KAZN: variants seen among roughly 807,000 people sequenced by gnomAD.
The protein encoded by KAZN is kazrin.
A neutral mutation model predicts 87.4 loss-of-function variants in KAZN; 40 were observed. The ratio of observed to expected loss-of-function variants is 0.46; its 90% CI spans 0.36 to 0.60. The LOEUF (loss-of-function observed/expected upper bound fraction) is 0.60, where lower values mean the gene tolerates loss of function less well. Ranked by LOEUF, KAZN falls within the 20% of genes least tolerant of loss-of-function variation. The probability of loss-of-function intolerance (pLI) is 0.00; values close to 1 mark genes in which losing one functional copy is unlikely to be tolerated. For synonymous variants in KAZN, 466 were observed against 458.3 expected (o/e 1.02, Z -0.22); for missense variants, 898 against 1,073.9 (o/e 0.84, Z 2.29).
chr1:14,181,910 G>A (rs1269446131), intron 2 of KAZN, among the ~76,000 whole-genome samples: 1 of 152,112 alleles, frequency 6.6e-6, no homozygotes, highest in East Asian at 1.9e-4. Flanking sequence ...GGCATTGTGT[G>A]TAAACTCCAG....
chr1:14,236,704 G>A (rs2100561384), intron 2 of KAZN, among the ~76,000 whole-genome samples: 1 of 152,232 alleles, frequency 6.6e-6, no homozygotes, highest in South Asian at 2.1e-4. Flanking sequence ...GATTGCTTGA[G>A]CCCAGGAGTT....
chr1:14,359,528 C>T (rs1659325268), intron 2 of KAZN, among the ~76,000 whole-genome samples: 1 of 152,156 alleles, frequency 6.6e-6, no homozygotes, highest in South Asian at 2.1e-4. Flanking sequence ...TTCTTCCTAG[C>T]ATCAATGGTC....
At chr1:13,941,125 G>A (rs1640911303) in intron 1 of KAZN, among the ~76,000 whole-genome samples, 2 of 152,138 alleles carry the variant, frequency 1.3e-5, no homozygotes, top group African/African-American at 4.8e-5. Flanking sequence ...AACCTAGGAG[G>A]TGGAGGTTGC....
At chr1:14,743,388 C>A (rs537703403) in intron 1 of KAZN, among the ~76,000 whole-genome samples, 2 of 151,870 alleles carry the variant, frequency 1.3e-5, no homozygotes, top group East Asian at 3.9e-4. Flanking sequence ...TGAGATCGCG[C>A]CACTGCACTC....
intron 1 of KAZN, among the ~76,000 whole-genome samples, chr1:14,674,331 G>T (rs1321754056): frequency 6.6e-6 from 1 of 152,230 alleles, no homozygotes; most frequent in Non-Finnish European, 1.5e-5. Context: ...AAATGCAGCT[G>T]TGGTCACCAA....
At chr1:14,547,468 C>T (rs1673227276) in intron 2 of KAZN, among the ~76,000 whole-genome samples, 1 of 152,184 alleles carries the variant, frequency 6.6e-6, no homozygotes, top group Non-Finnish European at 1.5e-5. Context: ...GGGGTTGGAA[C>T]AGATCGTTTT....
At chr1:14,586,639 T>G (rs1675868602) in intron 2 of KAZN, among the ~76,000 whole-genome samples, 1 of 148,852 alleles carries the variant, frequency 6.7e-6, no homozygotes, top group Non-Finnish European at 1.5e-5. Flanking sequence ...CAAGTGACCC[T>G]CCGGCTTTGG....
chr1:14,788,918 TCTC>T (rs1645591500), intron 1 of KAZN, among the ~76,000 whole-genome samples: 1 of 152,032 alleles, frequency 6.6e-6, no homozygotes, highest in African/African-American at 2.4e-5. Flanking sequence ...TGGGTTAAGA[TCTC>T]CTCCAGATCA....
At chr1:14,277,778 G>A (rs1193434633) in intron 2 of KAZN, among the ~76,000 whole-genome samples, 3 of 151,714 alleles carry the variant, frequency 2.0e-5, no homozygotes, top group East Asian at 1.9e-4. Flanking sequence ...CCTCACACCC[G>A]TGGCTCCCTC....
At chr1:14,798,425 T>A (rs1645898053) in intron 1 of KAZN, among the ~76,000 whole-genome samples, 1 of 18,524 alleles carries the variant, frequency 5.4e-5, no homozygotes, top group Non-Finnish European at 1.1e-4. Context: ...CCTTTTTTTT[T>A]TTTTTTTTTT....
chr1:14,210,408 C>T (rs578030020), intron 2 of KAZN, among the ~76,000 whole-genome samples: 1 of 152,312 alleles, frequency 6.6e-6, no homozygotes, highest in South Asian at 2.1e-4. Flanking sequence ...TCGGGTATGT[C>T]TTTATTAGCA....
chr1:14,407,004 G>A (rs920252740), intron 2 of KAZN, among the ~76,000 whole-genome samples: 2 of 152,154 alleles, frequency 1.3e-5, no homozygotes, highest in African/African-American at 2.4e-5. Context: ...TTCCAGTTTC[G>A]CAAGTCATCT....
At chr1:14,010,426 T>A (rs1640241516) in intron 1 of KAZN, among the ~76,000 whole-genome samples, 2 of 152,204 alleles carry the variant, frequency 1.3e-5, no homozygotes, top group South Asian at 4.1e-4. Context: ...TGATCAGCAT[T>A]CTATATTGAA....
At chr1:15,022,743 C>T (rs1670810764) in intron 2 of KAZN, among the ~76,000 whole-genome samples, 1 of 152,226 alleles carries the variant, frequency 6.6e-6, no homozygotes, top group African/African-American at 2.4e-5. Flanking sequence ...GACTGGGCCA[C>T]ATTCGGTCAG....
intron 1 of KAZN, among the ~76,000 whole-genome samples, chr1:14,939,082 C>T (rs1268465393): frequency 3.9e-5 from 6 of 152,170 alleles, no homozygotes; most frequent in Non-Finnish European, 5.9e-5. Flanking sequence ...AAGCTATTCT[C>T]CTGCCTCAGC....
rs184448958 is a variant in KAZN, at chr1:14,539,745, G to A, written c.250-59238G>A. The stretch of plus-strand genomic sequence containing the variant: ...AAAAAAAAAACGCCAGACGTTTTTA[G>A]GCCCTGACTTGATTCATTTTCTGTT... On this transcript the variant is annotated intron_variant, in intron 2 of 16. Coordinates refer to the KAZN transcript ENST00000636203. Among the ~76,000 whole-genome samples the A allele has an allele frequency of 6.0e-3, 901 of 150,474 alleles. 5 individuals are homozygous for A. The highest frequency in any genetic ancestry group is 9.9e-3 in the Non-Finnish European group (669 of 67,744).
At chr1:15,101,808 C>T (rs1464449181) in intron 11 of KAZN, 34 bp downstream of exon 11, 1 of 1,396,410 alleles carries the variant, frequency 7.2e-7, no homozygotes, top group East Asian at 2.5e-5. Context: ...GGGCACCTTC[C>T]ACTGCCCACC....
intron 1 of KAZN, among the ~76,000 whole-genome samples, chr1:14,863,931 G>A (rs976772924): frequency 6.6e-6 from 1 of 152,180 alleles, no homozygotes; most frequent in Non-Finnish European, 1.5e-5. Flanking sequence ...GCCTGAGTTG[G>A]GGGGATGTGC....
chr1:14,782,474 G>A (rs1173214998), intron 1 of KAZN, among the ~76,000 whole-genome samples: 2 of 146,384 alleles, frequency 1.4e-5, no homozygotes, highest in Non-Finnish European at 3.0e-5. Flanking sequence ...CTTGAACCCA[G>A]GAGGCAGAGT....
Sources: gnomAD v4.1 joint callset for allele counts (sites outside exome capture counted in the v4.1 genomes callset) on GRCh38, gnomAD v4.1.1 for gene constraint, MANE v1.5 for transcripts, NCBI Gene and HGNC (gene_info 2026-07-23, HGNC 2026-07-21) for gene names.